C4orf51: variants seen among roughly 807,000 people sequenced by gnomAD.
C4orf51 encodes uncharacterized protein C4orf51.
A neutral mutation model predicts 25.2 loss-of-function variants in C4orf51; 25 were observed. That is an observed-to-expected ratio of 0.99 (90% CI 0.72 to 1.39). The LOEUF is 1.39. Ranked by LOEUF, C4orf51 falls within the 40% of genes most tolerant of loss-of-function variation. The pLI is 0.00. For missense variants in C4orf51, 252 were observed against 239.6 expected (o/e 1.05, Z -0.34); for synonymous variants, 100 against 84.5 (o/e 1.18, Z -1.01).
intron 2 of C4orf51, among the ~76,000 whole-genome samples, chr4:145,696,965 A>G (rs1401196872): frequency 6.6e-6 from 1 of 151,842 alleles, no homozygotes; most frequent in Non-Finnish European, 1.5e-5. Flanking sequence ...TGAACCCGGG[A>G]GGCAGAGGTT....
At chr4:145,775,418 T>C (rs1434764189), downstream of C4orf51, among the ~76,000 whole-genome samples, 1 of 151,984 alleles carries the variant, frequency 6.6e-6, no homozygotes, top group Non-Finnish European at 1.5e-5. Context: ...CAGATTTATA[T>C]TTCCTCAGCT....
downstream of C4orf51, among the ~76,000 whole-genome samples, chr4:145,775,159 A>G (rs1487674326): frequency 1.3e-5 from 2 of 152,204 alleles, no homozygotes; most frequent in Non-Finnish European, 2.9e-5. Flanking sequence ...AGGCTACTCT[A>G]TCCGGGACAA....
chr4:145,700,014 C>T (rs1423982750), intron 2 of C4orf51, among the ~76,000 whole-genome samples: 1 of 152,140 alleles, frequency 6.6e-6, no homozygotes, highest in African/African-American at 2.4e-5. Flanking sequence ...ACCCCCAATC[C>T]CTTATTTCTG....
chr4:145,782,595 A>G, the C4orf51 span, among the ~76,000 whole-genome samples: 1 of 152,214 alleles, frequency 6.6e-6, no homozygotes, highest in Non-Finnish European at 1.5e-5. Context: ...AAAAGCCTCC[A>G]AAACAGGTTC....
intron 1 of C4orf51, among the ~76,000 whole-genome samples, chr4:145,751,839 G>A (rs886724520): frequency 6.6e-6 from 1 of 152,148 alleles, no homozygotes; most frequent in African/African-American, 2.4e-5. Context: ...GGCTAAGCTG[G>A]TGCTCAAGCC....
rs202227019 is a variant in C4orf51, at chr4:145,692,953, G to GTTTT, written c.234-3583_234-3580dup. On this transcript the variant is annotated intron_variant, in intron 1 of 5. Transcript: ENST00000438731. ...TTACTCCGCTGATATTAAGTTTTTA[G>GTTTT]TTTTTTTTTTTTTTTTTTTTTTTTT... Among the ~76,000 whole-genome samples, 24 of 100,986 alleles carry GTTTT rather than the reference G, an allele frequency of 2.4e-4. 1 individual carries two copies. Among genetic ancestry groups the GTTTT allele is most frequent in the African/African-American group, 6.0e-4 (17 of 28,266 alleles). 66.3% of individuals were successfully genotyped at this position (100,986 alleles called of 152,430 possible).
intron 1 of C4orf51, chr4:145,760,813 T>C (rs532939035): frequency 3.4e-6 from 4 of 1,187,444 alleles, no homozygotes; most frequent in African/African-American, 3.2e-5. Context: ...CAGTCCGAGA[T>C]AGGCCAGGAA....
chr4:145,771,120 G>T (rs72723871), downstream of C4orf51: 3 of 152,102 alleles, frequency 2.0e-5, no homozygotes, highest in Non-Finnish European at 2.9e-5. Context: ...AGGCCTAAAG[G>T]TTTTCTTAAC....
chr4:145,772,984 T>C (rs58001260), downstream of C4orf51, among the ~76,000 whole-genome samples: 26,474 of 152,146 alleles, frequency 0.17, 3,362 homozygotes, highest in East Asian at 0.69. Flanking sequence ...ATATGGTTTC[T>C]ATGGTTTCTA....
At chr4:145,788,260 G>A in the C4orf51 span, among the ~76,000 whole-genome samples, 31,667 of 152,050 alleles carry the variant, frequency 0.21, 4,202 homozygotes, top group East Asian at 0.68. Flanking sequence ...CTTTATGCAG[G>A]TCATATTAAA....
At position 145,731,564 on chromosome 4, in the gene C4orf51, C is replaced by CTTT. The variant is rs398051305; in HGVS notation, c.502-858_502-856dup. Among the ~76,000 whole-genome samples, 41 of 43,872 alleles carry CTTT rather than the reference C, an allele frequency of 9.3e-4. 4 individuals are homozygous for CTTT. The highest frequency in any genetic ancestry group is 1.8e-3 in the African/African-American group (18 of 10,054). 28.8% of individuals were successfully genotyped at this position (43,872 alleles called of 152,430 possible). A position where few individuals can be genotyped will look rare whatever the true frequency, so the allele number is the denominator to read the frequency against. On this transcript the variant is annotated intron_variant, in intron 5 of 5. Coordinates refer to ENST00000438731, the MANE Select transcript of C4orf51 (RefSeq NM_001080531.3). ...TTTTTATTTATGAGACAAGGCAAAT[C>CTTT]TTTTTTTTTTTTTTTTTTTTTTTTT...
chr4:145,738,651 T>C (rs184235298), intron 1 of C4orf51, among the ~76,000 whole-genome samples: 2 of 151,880 alleles, frequency 1.3e-5, no homozygotes, highest in South Asian at 2.1e-4. Flanking sequence ...ATTATTATTA[T>C]TATTTTGAGA....
downstream of C4orf51, among the ~76,000 whole-genome samples, chr4:145,735,861 A>G (rs978268229): frequency 1.3e-5 from 2 of 152,198 alleles, no homozygotes; most frequent in African/African-American, 4.8e-5. Context: ...ATAAATATTT[A>G]TAGTGGGAAC....
exon 2 of C4orf51, chr4:145,754,260 T>A (rs1387976971): frequency 6.6e-6 from 1 of 152,270 alleles, no homozygotes; most frequent in East Asian, 1.9e-4. Context: ...CTTCACCAAG[T>A]CGCTCTTGCT....
intron 1 of C4orf51, among the ~76,000 whole-genome samples, chr4:145,742,907 G>A (rs1036760561): frequency 6.6e-5 from 10 of 152,162 alleles, no homozygotes; most frequent in African/African-American, 2.4e-4. Context: ...ATCTGCACAA[G>A]GATGTTAAGA....
chr4:145,700,745 C>A (rs191395942), intron 2 of C4orf51, among the ~76,000 whole-genome samples: 10,039 of 152,132 alleles, frequency 0.066, 395 homozygotes, highest in Middle Eastern at 0.14. Flanking sequence ...GTCGCTGAGT[C>A]TTTCTAATCT....
intron 2 of C4orf51, among the ~76,000 whole-genome samples, chr4:145,700,787 C>G (rs1448209768): frequency 1.3e-5 from 2 of 152,096 alleles, no homozygotes; most frequent in Non-Finnish European, 2.9e-5. Flanking sequence ...GACCTCTCCC[C>G]TCCTCGCCAG....
intron 1 of C4orf51, among the ~76,000 whole-genome samples, chr4:145,690,523 T>C (rs1336637701): frequency 6.6e-6 from 1 of 151,676 alleles, no homozygotes; most frequent in Non-Finnish European, 1.5e-5. Flanking sequence ...ATAATAATAA[T>C]AATCCTAGAA....
intron 1 of C4orf51, among the ~76,000 whole-genome samples, chr4:145,741,774 T>G (rs995646428): frequency 6.6e-6 from 1 of 152,152 alleles, no homozygotes; most frequent in Admixed American, 6.5e-5. Flanking sequence ...CTCAGCTCAC[T>G]GCAACCTCTG....
Sources: allele counts gnomAD v4.1 joint callset (sites outside exome capture counted in the v4.1 genomes callset), GRCh38; gene constraint gnomAD v4.1.1; transcripts MANE v1.5; gene names NCBI Gene and HGNC (gene_info 2026-07-23, HGNC 2026-07-21).